KCNA3: variants seen among roughly 807,000 people sequenced by gnomAD.
The protein encoded by KCNA3 is RP11-284N8.3.
Under a neutral mutation model 34.3 loss-of-function variants are expected in KCNA3, and 18 were observed. The observed-to-expected ratio is 0.52, with a 90% CI of 0.36 to 0.78. The LOEUF (loss-of-function observed/expected upper bound fraction) is 0.78, where lower values mean the gene tolerates loss of function less well. Among genes scored for constraint, KCNA3 ranks in the 30% least tolerant of loss-of-function variants. The pLI is 0.00. For synonymous variants in KCNA3, 324 were observed against 351.7 expected, an observed-to-expected ratio of 0.92 and a Z score of 0.88; for missense variants, 587 against 802.5, an observed-to-expected ratio of 0.73 and a Z score of 3.24.
At chr1:110,657,491 G>T in the KCNA3 span, among the ~76,000 whole-genome samples, 7 of 152,004 alleles carry the variant, frequency 4.6e-5, no homozygotes, top group Admixed American at 1.3e-4. Context: ...TTTACCTAAG[G>T]TCCCACAGGT....
At chr1:110,653,707 C>A in the KCNA3 span, 1 of 151,550 alleles carries the variant, frequency 6.6e-6, no homozygotes, top group Non-Finnish European at 1.5e-5. Context: ...AACAAAAGAC[C>A]CAAAATTATT....
the KCNA3 span, among the ~76,000 whole-genome samples, chr1:110,657,841 T>C: frequency 7.8e-3 from 1,185 of 152,360 alleles, 16 homozygotes; most frequent in African/African-American, 0.027. Flanking sequence ...CAGTAGCTAA[T>C]GTGCATTACT....
chr1:110,668,409 GAACAGAC>G (rs1651763970), downstream of KCNA3, among the ~76,000 whole-genome samples: 1 of 151,978 alleles, frequency 6.6e-6, no homozygotes, highest in African/African-American at 2.4e-5. Flanking sequence ...GTACTCAAAG[GAACAGAC>G]TACTAGTATA....
the KCNA3 span, among the ~76,000 whole-genome samples, chr1:110,663,300 T>C: frequency 6.6e-6 from 1 of 152,174 alleles, no homozygotes; most frequent in Non-Finnish European, 1.5e-5. Flanking sequence ...ATCCCTAACA[T>C]TTTTCTCAGA....
Position 110,674,812 on chromosome 1 carries a change from G to T in KCNA3, c.-3C>A. On this transcript the variant is annotated 5_prime_UTR_variant, in exon 1 of 1. Coordinates refer to ENST00000369769, the MANE Select transcript of KCNA3 (RefSeq NM_002232.5). This position sits in a 1 kb window ranked among gnomAD's most constrained non-coding sequence, Gnocchi z 6.4. ...AGAAGGCTGAGGCGCTCGTCCATGC[G>T]GCGGGGAAGAGGCGGCAGCGGTGAG... is the stretch of plus-strand genomic sequence containing the variant. The T allele has an allele frequency of 6.1e-6, 8 of 1,307,408 alleles. No homozygotes were observed. The highest frequency in any genetic ancestry group is 6.8e-6 in the Non-Finnish European group (7 of 1,032,998). 81.0% of individuals were successfully genotyped at this position (1,307,408 alleles called of 1,614,324 possible).
the KCNA3 span, chr1:110,656,932 T>C: frequency 6.6e-6 from 1 of 152,352 alleles, no homozygotes; most frequent in Middle Eastern, 3.4e-3. Context: ...GAAAGAATCC[T>C]ATTTCCTTTC....
chr1:110,674,694 C>T lies in KCNA3; in HGVS notation c.116G>A (p.Gly39Asp), dbSNP rs759958884. 1 of 1,497,584 alleles carries T rather than the reference C, an allele frequency of 6.7e-7. No homozygotes were observed. Among genetic ancestry groups the T allele is most frequent in the Admixed American group, 2.2e-5 (1 of 45,670 alleles). 92.8% of individuals were successfully genotyped at this position (1,497,584 alleles called of 1,614,324 possible). A position where few individuals can be genotyped will look rare whatever the true frequency, so the allele number is the denominator to read the frequency against. ...GCGGCCTGCGGCGGGCTCCGCGTAG[C>T]CGTGGTTCACCAGCGTGTGGGCACC... The part of the protein sequence containing the change: ...SGGAHTLVNH[G>D]YAEPAAGREL... Residue 39 changes from glycine to aspartate, a missense_variant, in exon 1 of 1, where the codon GGC (glycine) becomes GAC (aspartate). Physicochemically the swap from Gly to Asp is moderately conservative, Grantham distance 94. Coordinates refer to ENST00000369769, the MANE Select transcript of KCNA3 (RefSeq NM_002232.5). The surrounding 1 kb of genome is among the most constrained non-coding windows in gnomAD (Gnocchi z 6.4).
the KCNA3 span, among the ~76,000 whole-genome samples, chr1:110,659,973 T>C: frequency 2.2e-4 from 33 of 152,008 alleles, no homozygotes; most frequent in Admixed American, 5.2e-4. Context: ...TTAGGAGAAA[T>C]ACCTAATGTA....
At chr1:110,662,807 T>G in the KCNA3 span, among the ~76,000 whole-genome samples, 3 of 152,194 alleles carry the variant, frequency 2.0e-5, no homozygotes, top group South Asian at 2.1e-4. Flanking sequence ...CTACTAATAA[T>G]AAATATCTTC....
chr1:110,674,701 T>C lies in KCNA3; in HGVS notation c.109A>G (p.Asn37Asp). The change falls in exon 1 of 1, where the codon AAC (asparagine) becomes GAC (aspartate). Residue 37 changes from asparagine (N) to aspartate (D), a missense_variant. Asn to Asp is a conservative substitution (Grantham distance 23, BLOSUM62 1). Transcript: ENST00000369769. This position sits in a 1 kb window ranked among gnomAD's most constrained non-coding sequence, Gnocchi z 6.4. Reference sequence around the variant, plus strand: ...GCGGCGGGCTCCGCGTAGCCGTGGTTCACCAGCGTGTGGGCACCGCCGCTG... The same window carrying C: ...GCGGCGGGCTCCGCGTAGCCGTGGTCCACCAGCGTGTGGGCACCGCCGCTG... ...ASSGGAHTLV[N>D]HGYAEPAAGR... is the part of the protein sequence containing the mutation. 6.7e-7 allele frequency: 1 copy of C among 1,491,874 alleles called. No homozygotes were observed. The highest frequency in any genetic ancestry group is 8.8e-7 in the Non-Finnish European group (1 of 1,130,922). The allele number at this position is 1,491,874 out of a possible 1,614,324, so 92.4% of individuals were successfully genotyped here.
the KCNA3 span, chr1:110,655,094 C>T: frequency 1.3e-5 from 2 of 151,952 alleles, no homozygotes; most frequent in Non-Finnish European, 2.9e-5. Context: ...TAACGTGTAG[C>T]ATGTCACTTA....
At chr1:110,657,477 C>T in the KCNA3 span, among the ~76,000 whole-genome samples, 1 of 152,162 alleles carries the variant, frequency 6.6e-6, no homozygotes, top group African/African-American at 2.4e-5. Context: ...AGTAATGTAA[C>T]AGATTTACCT....
chr1:110,661,233 T>C, the KCNA3 span, among the ~76,000 whole-genome samples: 1 of 152,186 alleles, frequency 6.6e-6, no homozygotes, highest in African/African-American at 2.4e-5. Context: ...GTGCTTTTGA[T>C]GGAAGAATCA....
At chr1:110,653,916 G>A in the KCNA3 span, 4 of 152,114 alleles carry the variant, frequency 2.6e-5, no homozygotes, top group African/African-American at 9.7e-5. Flanking sequence ...ATTTGATGAA[G>A]AGAACTAAAT....
At chr1:110,664,737 C>T in the KCNA3 span, among the ~76,000 whole-genome samples, 1 of 152,108 alleles carries the variant, frequency 6.6e-6, no homozygotes, top group South Asian at 2.1e-4. Flanking sequence ...GAATGGAAAA[C>T]ATACAATAAA....
chr1:110,659,803 G>A, the KCNA3 span, among the ~76,000 whole-genome samples: 1 of 151,822 alleles, frequency 6.6e-6, no homozygotes, highest in East Asian at 1.9e-4. Flanking sequence ...GATAAAGCTG[G>A]AAACCATCAT....
the KCNA3 span, chr1:110,654,155 CTG>C: frequency 2.0e-5 from 3 of 152,050 alleles, no homozygotes; most frequent in African/African-American, 7.2e-5. Context: ...CATATTTTAA[CTG>C]GGAAAATTCT....
downstream of KCNA3, among the ~76,000 whole-genome samples, chr1:110,670,331 C>A (rs1307743772): frequency 6.6e-6 from 1 of 152,140 alleles, no homozygotes; most frequent in African/African-American, 2.4e-5. Context: ...AATCATATTA[C>A]CTCAAAGTTA....
the KCNA3 span, among the ~76,000 whole-genome samples, chr1:110,657,369 C>T: frequency 9.2e-5 from 14 of 152,030 alleles, no homozygotes; most frequent in African/African-American, 3.4e-4. Context: ...AAGCATTTCT[C>T]AAATGTGTAT....
Sources: allele counts gnomAD v4.1 joint callset (sites outside exome capture counted in the v4.1 genomes callset), GRCh38; gene constraint gnomAD v4.1.1; non-coding constraint Gnocchi (gnomAD v3.1); transcripts MANE v1.5; gene names NCBI Gene and HGNC (gene_info 2026-07-23, HGNC 2026-07-21).